SNTB1: variants seen among roughly 807,000 people sequenced by gnomAD.
SNTB1 encodes the protein beta-1-syntrophin.
Under a neutral mutation model 48.9 loss-of-function variants are expected in SNTB1, and 36 were observed. That is an observed-to-expected ratio of 0.74 (90% CI 0.56 to 0.97). The LOEUF (loss-of-function observed/expected upper bound fraction) is 0.97. Ranked by LOEUF, SNTB1 falls within the 50% of genes least tolerant of loss-of-function variation. SNTB1 has a pLI of 0.00. For synonymous variants in SNTB1, 299 were observed against 294.6 expected, an observed-to-expected ratio of 1.01 and a Z score of -0.15; for missense variants, 786 against 703.4, an observed-to-expected ratio of 1.12 and a Z score of -1.33.
At chr8:120,792,860 G>A (rs1207418973) in intron 1 of SNTB1, among the ~76,000 whole-genome samples, 1 of 151,906 alleles carries the variant, frequency 6.6e-6, no homozygotes, top group Non-Finnish European at 1.5e-5. Flanking sequence ...AATCAACATT[G>A]CCTGAAATAT....
intron 1 of SNTB1, among the ~76,000 whole-genome samples, chr8:120,800,370 A>G (rs747073517): frequency 5.9e-5 from 9 of 152,152 alleles, no homozygotes; most frequent in Non-Finnish European, 8.8e-5. Flanking sequence ...CTAATTTAGG[A>G]TATCATATTC....
chr8:120,769,695 T>C (rs1227279859), intron 1 of SNTB1: 8 of 152,228 alleles, frequency 5.3e-5, no homozygotes, highest in Non-Finnish European at 1.2e-4. Context: ...GGGGTTGCAG[T>C]CAGGTGAGTA....
chr8:120,789,397 C>A (rs969984183), intron 1 of SNTB1, among the ~76,000 whole-genome samples: 3 of 151,250 alleles, frequency 2.0e-5, no homozygotes, highest in Non-Finnish European at 4.4e-5. Context: ...AGGATTAGAG[C>A]AGAATCTAAT....
chr8:120,599,651 C>A (rs1440215803), intron 3 of SNTB1, among the ~76,000 whole-genome samples: 2 of 152,006 alleles, frequency 1.3e-5, no homozygotes, highest in African/African-American at 4.8e-5. Flanking sequence ...GCCAATTGAA[C>A]CCTGAAATCT....
In SNTB1 at chr8:120,740,150, C is replaced by A. The variant is rs1166597394; in HGVS notation, c.572-46242G>T. ...GGAGAGCTGGAAGAAAAGTGATGCA[C>A]CTCTTATATATTTGGCTGAAGACAA... On this transcript the variant is annotated intron_variant, in intron 1 of 6. Transcript: ENST00000517992. Among the ~76,000 whole-genome samples the A allele has an allele frequency of 3.3e-5, 5 of 152,236 alleles. 1 individual carries two copies. The highest frequency in any genetic ancestry group is 1.2e-4 in the African/African-American group (5 of 41,542).
At chr8:120,544,477 CT>C (rs1815344601) in intron 5 of SNTB1, among the ~76,000 whole-genome samples, 1 of 152,226 alleles carries the variant, frequency 6.6e-6, no homozygotes, top group Non-Finnish European at 1.5e-5. Flanking sequence ...CTGGATCACA[CT>C]TTGGGTCATT....
At chr8:120,575,862 T>C (rs910073191) in intron 3 of SNTB1, among the ~76,000 whole-genome samples, 16 of 152,194 alleles carry the variant, frequency 1.1e-4, no homozygotes, top group African/African-American at 2.4e-4. Context: ...TCAGTAATGA[T>C]TGGACCAGAT....
chr8:120,579,965 T>A (rs1438818315), intron 3 of SNTB1, among the ~76,000 whole-genome samples: 1 of 152,208 alleles, frequency 6.6e-6, no homozygotes, highest in African/African-American at 2.4e-5. Flanking sequence ...CTGAGTGAGC[T>A]TGGGCAAGAA....
chr8:120,696,090 T>A (rs1205893114), intron 1 of SNTB1, among the ~76,000 whole-genome samples: 1 of 152,176 alleles, frequency 6.6e-6, no homozygotes, highest in Admixed American at 6.5e-5. Flanking sequence ...TGTGAAACCA[T>A]TTTAGTAGAA....
chr8:120,605,115 T>C (rs1338739866), intron 3 of SNTB1, among the ~76,000 whole-genome samples: 3 of 152,198 alleles, frequency 2.0e-5, no homozygotes, highest in Admixed American at 6.5e-5. Flanking sequence ...TGTGCCTTTG[T>C]GTACGAGGAA....
intron 1 of SNTB1, among the ~76,000 whole-genome samples, chr8:120,778,945 G>A (rs911478192): frequency 3.3e-5 from 5 of 152,180 alleles, no homozygotes; most frequent in African/African-American, 9.7e-5. Flanking sequence ...TCAATGCCTA[G>A]TGAGTCATTT....
At chr8:120,542,074 T>C (rs1201227752) in intron 5 of SNTB1, 74 bp from the exon 6 acceptor site, 6 of 1,163,798 alleles carry the variant, frequency 5.2e-6, no homozygotes, top group Non-Finnish European at 7.3e-6. Context: ...ATCACTCACT[T>C]CTTGCCTCCT....
In SNTB1 at chr8:120,581,419, C is replaced by A. The variant is rs563689101; in HGVS notation, c.997-6194G>T. Among the ~76,000 whole-genome samples the A allele has an allele frequency of 2.0e-5, 3 of 152,088 alleles. No individual in the cohort carries two copies. In the East Asian group the frequency reaches 5.8e-4, roughly 30 times the overall value. ...AGGAGTTTGAGACCAGCCTGGCCAA[C>A]ATGGTGAAAACTCGTCTCTACTAAA... On this transcript the variant is annotated intron_variant, in intron 3 of 6. Coordinates refer to ENST00000517992, the MANE Select transcript of SNTB1 (RefSeq NM_021021.4).
chr8:120,686,773 G>C (rs968469299), intron 2 of SNTB1, among the ~76,000 whole-genome samples: 1 of 152,010 alleles, frequency 6.6e-6, no homozygotes, highest in Non-Finnish European at 1.5e-5. Flanking sequence ...AGTTAATCTG[G>C]ACCTGTTTTT....
At chr8:120,737,384 G>T (rs772722921) in intron 1 of SNTB1, among the ~76,000 whole-genome samples, 17 of 152,172 alleles carry the variant, frequency 1.1e-4, no homozygotes, top group African/African-American at 3.9e-4. Flanking sequence ...TTTGTTCTCA[G>T]TTCAAAGAAA....
At chr8:120,550,251 G>C (rs901478647) in intron 4 of SNTB1, among the ~76,000 whole-genome samples, 8 of 152,124 alleles carry the variant, frequency 5.3e-5, no homozygotes, top group Non-Finnish European at 1.0e-4. Context: ...AGTCATTAAA[G>C]ATATGGAAGG....
intron 3 of SNTB1, among the ~76,000 whole-genome samples, chr8:120,606,176 A>G (rs909763958): frequency 6.8e-6 from 1 of 147,394 alleles, no homozygotes; most frequent in Non-Finnish European, 1.5e-5. Flanking sequence ...GTGTATCTAT[A>G]TATATAATTA....
intron 2 of SNTB1, among the ~76,000 whole-genome samples, chr8:120,639,012 A>AAAAGTGG (rs1817136963): frequency 6.6e-6 from 1 of 151,976 alleles, no homozygotes; most frequent in Non-Finnish European, 1.5e-5. Flanking sequence ...TACCAACAGT[A>AAAAGTGG]TAAAAGTGTT....
chr8:120,547,739 A>T (rs1325750884), intron 5 of SNTB1, among the ~76,000 whole-genome samples: 1 of 152,086 alleles, frequency 6.6e-6, no homozygotes, highest in Non-Finnish European at 1.5e-5. Context: ...TCTACCACCG[A>T]CTTGCCCTTT....
Sources: allele counts gnomAD v4.1 joint callset (sites outside exome capture counted in the v4.1 genomes callset), GRCh38; gene constraint gnomAD v4.1.1; transcripts MANE v1.5; gene names NCBI Gene and HGNC (gene_info 2026-07-23, HGNC 2026-07-21).